The following SUGCT variants were observed in gnomAD, a reference collection of about 807,000 sequenced individuals.
SUGCT encodes succinyl-CoA:glutarate CoA-transferase.
SUGCT carries 41 observed loss-of-function variants against 55.0 expected under a neutral mutation model. The observed-to-expected ratio is 0.74, with a 90% CI of 0.58 to 0.97. The LOEUF is 0.97. Among genes scored for constraint, SUGCT ranks in the 50% least tolerant of loss-of-function variants. The pLI, the probability that SUGCT is intolerant of heterozygous loss-of-function variation, is 0.00. For synonymous variants in SUGCT, 187 were observed against 200.4 expected (o/e 0.93, Z 0.56); for missense variants, 568 against 547.8 (o/e 1.04, Z -0.37).
the SUGCT span, among the ~76,000 whole-genome samples, chr7:40,911,507 A>G: frequency 1.3e-5 from 2 of 151,576 alleles, no homozygotes; most frequent in South Asian, 2.1e-4. Flanking sequence ...GGTCAAGGCT[A>G]CAGTGAGCCG....
At chr7:40,241,919 C>CAAAA (rs34968969) in intron 7 of SUGCT, among the ~76,000 whole-genome samples, 2 of 130,860 alleles carry the variant, frequency 1.5e-5, no homozygotes, top group Admixed American at 8.0e-5. Flanking sequence ...ACTCTGTCTC[C>CAAAA]AAAAAAAAAA....
chr7:40,565,501 T>C (rs954782326), intron 12 of SUGCT, among the ~76,000 whole-genome samples: 3 of 152,220 alleles, frequency 2.0e-5, no homozygotes, highest in Admixed American at 6.5e-5. Flanking sequence ...AAATCTTTAT[T>C]GCACATCGTT....
At chr7:40,729,029 C>T (rs1430973729) in intron 12 of SUGCT, among the ~76,000 whole-genome samples, 1 of 152,148 alleles carries the variant, frequency 6.6e-6, no homozygotes, top group Admixed American at 6.5e-5. Context: ...GAATTTTAAT[C>T]AGTAAAGTCT....
chr7:40,992,803 C>T, the SUGCT span, among the ~76,000 whole-genome samples: 1 of 152,156 alleles, frequency 6.6e-6, no homozygotes, highest in African/African-American at 2.4e-5. Flanking sequence ...GTTTCAGTAC[C>T]TGTAATGTGG....
chr7:40,656,445 G>A (rs771221770), intron 12 of SUGCT, among the ~76,000 whole-genome samples: 3 of 152,114 alleles, frequency 2.0e-5, no homozygotes, highest in Non-Finnish European at 2.9e-5. Flanking sequence ...AGAGGTAGCC[G>A]GTTTGCATTT....
At chr7:40,969,335 A>G in the SUGCT span, among the ~76,000 whole-genome samples, 1 of 152,146 alleles carries the variant, frequency 6.6e-6, no homozygotes, top group South Asian at 2.1e-4. Context: ...TTGGAGGCCT[A>G]TTCCAACTGA....
chr7:40,353,304 AC>A, intron 9 of SUGCT, among the ~76,000 whole-genome samples: 1 of 152,248 alleles, frequency 6.6e-6, no homozygotes, highest in African/African-American at 2.4e-5. Flanking sequence ...GTACTCATAG[AC>A]CAGCAGCATA....
At chr7:40,148,601 G>A (rs551837275) in intron 1 of SUGCT, among the ~76,000 whole-genome samples, 30 of 152,258 alleles carry the variant, frequency 2.0e-4, no homozygotes, top group African/African-American at 4.3e-4. Flanking sequence ...CCGAGATGAC[G>A]CCATTGCACT....
intron 8 of SUGCT, among the ~76,000 whole-genome samples, chr7:40,294,107 C>T (rs914609906): frequency 2.6e-5 from 4 of 152,026 alleles, no homozygotes; most frequent in East Asian, 1.9e-4. Context: ...ACTATGGCGC[C>T]CCACTATTTT....
At chr7:40,971,889 T>A in the SUGCT span, among the ~76,000 whole-genome samples, 4 of 152,194 alleles carry the variant, frequency 2.6e-5, no homozygotes, top group Non-Finnish European at 4.4e-5. Context: ...CTCTTTTTTT[T>A]AGCAGGTCTT....
chr7:40,485,417 C>CTTTTTTTTTTT (rs397889166), intron 11 of SUGCT, among the ~76,000 whole-genome samples: 9 of 74,442 alleles, frequency 1.2e-4, no homozygotes, highest in Non-Finnish European at 1.7e-4. Flanking sequence ...TATATACATT[C>CTTTTTTTTTTT]TTTTTTTTTT....
the SUGCT span, among the ~76,000 whole-genome samples, chr7:40,897,642 A>G: frequency 1.3e-5 from 2 of 152,152 alleles, no homozygotes; most frequent in Non-Finnish European, 1.5e-5. Context: ...TGGGCCCCCA[A>G]GAGCCTTCAG....
At chr7:40,917,995 G>T in the SUGCT span, among the ~76,000 whole-genome samples, 3 of 152,140 alleles carry the variant, frequency 2.0e-5, no homozygotes, top group Admixed American at 6.5e-5. Flanking sequence ...CATCCTGAAG[G>T]CCTAGATATA....
the SUGCT span, among the ~76,000 whole-genome samples, chr7:40,879,077 C>T: frequency 6.6e-6 from 1 of 152,156 alleles, no homozygotes; most frequent in Non-Finnish European, 1.5e-5. Flanking sequence ...CAGGCATGAA[C>T]CACCGCGCCC....
intron 12 of SUGCT, among the ~76,000 whole-genome samples, chr7:40,637,751 A>G (rs1486285661): frequency 6.6e-6 from 1 of 152,236 alleles, no homozygotes; most frequent in Non-Finnish European, 1.5e-5. Flanking sequence ...ATACTCACAC[A>G]TTAACTAATT....
chr7:40,526,274 T>C (rs1358160278), intron 12 of SUGCT, among the ~76,000 whole-genome samples: 1 of 152,128 alleles, frequency 6.6e-6, no homozygotes, highest in African/African-American at 2.4e-5. Flanking sequence ...TATATAGGGT[T>C]GCCATAAGGA....
the SUGCT span, among the ~76,000 whole-genome samples, chr7:40,873,188 T>C: frequency 5.9e-5 from 9 of 152,232 alleles, no homozygotes; most frequent in Admixed American, 5.9e-4. Context: ...CCAATTGTTC[T>C]AACAAGGTTA....
At chr7:40,494,979 T>G (rs1270500905) in intron 11 of SUGCT, among the ~76,000 whole-genome samples, 1 of 152,084 alleles carries the variant, frequency 6.6e-6, no homozygotes, top group Non-Finnish European at 1.5e-5. Context: ...TGGTGCGACC[T>G]CACTCACTGC....
At chr7:40,769,158 T>C (rs1584411431) in intron 13 of SUGCT, among the ~76,000 whole-genome samples, 1 of 151,912 alleles carries the variant, frequency 6.6e-6, no homozygotes, top group Non-Finnish European at 1.5e-5. Context: ...ATAGCAGTAA[T>C]AGTAGAGTTA....
Sources: gnomAD v4.1 joint callset for allele counts (sites outside exome capture counted in the v4.1 genomes callset) on GRCh38, gnomAD v4.1.1 for gene constraint, MANE v1.5 for transcripts, NCBI Gene and HGNC (gene_info 2026-07-23, HGNC 2026-07-21) for gene names.